PARVB: variants seen among roughly 807,000 people sequenced by gnomAD.
PARVB encodes beta-parvin.
In PARVB, 46 loss-of-function variants were observed where a neutral mutation model predicts 47.0. The observed-to-expected ratio is 0.98, with a 90% CI of 0.77 to 1.25. The LOEUF is 1.25. Among genes scored for constraint, PARVB ranks in the 50% most tolerant of loss-of-function variants. PARVB has a pLI of 0.00. For synonymous variants in PARVB, 196 were observed against 196.3 expected (o/e 1.00, Z 0.01); for missense variants, 473 against 471.6 (o/e 1.00, Z -0.03).
At chr22:44,030,033 C>T (rs1392547954) in intron 1 of PARVB, among the ~76,000 whole-genome samples, 1 of 152,268 alleles carries the variant, frequency 6.6e-6, no homozygotes, top group African/African-American at 2.4e-5. Flanking sequence ...AAGCTCTAAA[C>T]CAGCAACCGA....
intron 4 of PARVB, among the ~76,000 whole-genome samples, chr22:44,123,736 G>T (rs778639322): frequency 6.7e-6 from 1 of 150,156 alleles, no homozygotes; most frequent in Non-Finnish European, 1.5e-5. Flanking sequence ...TTGCCATGTT[G>T]CCCAGGCTGG....
At chr22:44,131,390 C>G in intron 4 of PARVB, 97 bp from the exon 5 acceptor site, 1 of 1,328,740 alleles carries the variant, frequency 7.5e-7, no homozygotes, top group Non-Finnish European at 1.1e-6. Flanking sequence ...GATTCACCCA[C>G]CTCGGCCTCT....
At chr22:44,063,217 ATTTCT>A (rs946908411) in intron 1 of PARVB, among the ~76,000 whole-genome samples, 9 of 148,542 alleles carry the variant, frequency 6.1e-5, no homozygotes, top group African/African-American at 2.0e-4. Flanking sequence ...CAATATGAAT[ATTTCT>A]TTTCTTTTCT....
intron 6 of PARVB, among the ~76,000 whole-genome samples, chr22:44,135,449 G>A (rs1367944643): frequency 1.3e-5 from 2 of 152,124 alleles, no homozygotes; most frequent in African/African-American, 2.4e-5. Context: ...AGCAGAGACC[G>A]GGTTTCACCA....
intron 1 of PARVB, among the ~76,000 whole-genome samples, chr22:44,059,891 T>G (rs947945245): frequency 4.6e-5 from 7 of 152,150 alleles, no homozygotes; most frequent in Non-Finnish European, 7.4e-5. Flanking sequence ...AAGGGGGATG[T>G]GAGGTACCCA....
At chr22:44,115,052 G>T (rs2052841674) in intron 3 of PARVB, 1 of 85,972 alleles carries the variant, frequency 1.2e-5, no homozygotes. Context: ...ACTAAGTAAG[G>T]CCCTGCACCA....
chr22:44,021,759 TCACACACA>T (rs3223605), upstream of PARVB, among the ~76,000 whole-genome samples: 9,081 of 102,424 alleles, frequency 0.089, 365 homozygotes, highest in East Asian at 0.16. Flanking sequence ...AAGTCTAGAC[TCACACACA>T]CACACACACA....
At chr22:44,165,514 A>AG (rs2054147808) in intron 12 of PARVB, among the ~76,000 whole-genome samples, 1 of 152,198 alleles carries the variant, frequency 6.6e-6, no homozygotes, top group Non-Finnish European at 1.5e-5. Context: ...GCTGTGAGGC[A>AG]GGGCCATGAG....
chr22:44,100,232 A>G (rs2052410877), intron 3 of PARVB, 109 bp downstream of exon 3: 1 of 831,818 alleles, frequency 1.2e-6, no homozygotes, highest in Non-Finnish European at 2.1e-6. Context: ...CCTGAAAGGG[A>G]TGTTGGTGCT....
chr22:44,126,914 C>T lies in PARVB; in HGVS notation c.377-4573C>T, dbSNP rs140217371. 8.4e-3 allele frequency among the ~76,000 whole-genome samples: 1,274 copies of T among 152,254 alleles called. 11 individuals carry two copies. The highest frequency in any genetic ancestry group is 0.014 in the Middle Eastern group (4 of 294). Reference sequence around the variant, plus strand: ...TCTGAATTTGCATCTGCATCTCAGCCGTGGTTGCCTGTAAACCATGCCAGT... The same window carrying T: ...TCTGAATTTGCATCTGCATCTCAGCTGTGGTTGCCTGTAAACCATGCCAGT... On this transcript the variant is annotated intron_variant, in intron 4 of 12. Transcript: ENST00000338758.
At chr22:44,056,323 G>C (rs1163358366) in intron 1 of PARVB, among the ~76,000 whole-genome samples, 1 of 152,210 alleles carries the variant, frequency 6.6e-6, no homozygotes, top group Non-Finnish European at 1.5e-5. Context: ...ATTTCCTCCT[G>C]CTGAGTTTTA....
chr22:44,076,072 G>A (rs942517675), intron 1 of PARVB, among the ~76,000 whole-genome samples: 3 of 152,254 alleles, frequency 2.0e-5, no homozygotes, highest in Non-Finnish European at 2.9e-5. Flanking sequence ...GGACTTGGGA[G>A]TGTCTGGAAG....
chr22:44,012,960 G>A (rs946304926), intron 2 of PARVB, among the ~76,000 whole-genome samples: 7 of 151,632 alleles, frequency 4.6e-5, no homozygotes, highest in African/African-American at 1.5e-4. Context: ...GCAGTTGCGC[G>A]ATGTCAGCTT....
At chr22:44,157,949 C>G (rs1205751010) in intron 10 of PARVB, 33 bp from the exon 11 acceptor site, 2 of 1,526,270 alleles carry the variant, frequency 1.3e-6, no homozygotes, top group African/African-American at 2.7e-5. Context: ...ACTCCTTACC[C>G]TGCCCGGAAA....
At chr22:44,063,319 C>A (rs748493237) in intron 1 of PARVB, among the ~76,000 whole-genome samples, 21 of 151,812 alleles carry the variant, frequency 1.4e-4, no homozygotes, top group Non-Finnish European at 1.3e-4. Context: ...CTCCGCCTCC[C>A]GGGTTCAAGT....
intron 6 of PARVB, among the ~76,000 whole-genome samples, chr22:44,133,229 G>A (rs995107750): frequency 8.5e-5 from 13 of 152,106 alleles, no homozygotes; most frequent in Non-Finnish European, 1.9e-4. Flanking sequence ...GAGGCATGAG[G>A]GTGTTGAGGT....
intron 1 of PARVB, among the ~76,000 whole-genome samples, chr22:44,039,538 G>A (rs2050979763): frequency 6.7e-6 from 1 of 149,448 alleles, no homozygotes; most frequent in Admixed American, 6.7e-5. Context: ...GTGATACTCT[G>A]TCAAAAAGAA....
At chr22:44,134,048 A>G (rs1037648358) in intron 6 of PARVB, among the ~76,000 whole-genome samples, 2 of 151,684 alleles carry the variant, frequency 1.3e-5, no homozygotes, top group Non-Finnish European at 2.9e-5. Flanking sequence ...CTCTGTGTTT[A>G]TTTTACTCGA....
At chr22:44,118,607 A>G (rs1055768284) in intron 3 of PARVB, among the ~76,000 whole-genome samples, 15 of 152,184 alleles carry the variant, frequency 9.9e-5, no homozygotes. Context: ...AGTATTACCA[A>G]TGCTTAATCA....
Sources: gnomAD v4.1 joint callset for allele counts (sites outside exome capture counted in the v4.1 genomes callset) on GRCh38, gnomAD v4.1.1 for gene constraint, MANE v1.5 for transcripts, NCBI Gene and HGNC (gene_info 2026-07-23, HGNC 2026-07-21) for gene names.